The following KCNIP4 variants were observed in gnomAD, a reference collection of about 807,000 sequenced individuals.
KCNIP4 encodes potassium voltage-gated channel interacting protein 4.
Under a neutral mutation model 34.0 loss-of-function variants are expected in KCNIP4, and 12 were observed. That is an observed-to-expected ratio of 0.35 (90% CI 0.23 to 0.57). The LOEUF is 0.57. KCNIP4 is among the 20% of genes least tolerant of loss of function. KCNIP4 has a pLI of 0.83. For missense variants in KCNIP4, 238 were observed against 311.7 expected, an observed-to-expected ratio of 0.76 and a Z score of 1.78; for synonymous variants, 124 against 102.2, an observed-to-expected ratio of 1.21 and a Z score of -1.29.
intron 1 of KCNIP4, among the ~76,000 whole-genome samples, chr4:21,825,023 T>C (rs529455177): frequency 2.4e-4 from 37 of 152,222 alleles, no homozygotes; most frequent in African/African-American, 8.7e-4. Context: ...TAGACCACTT[T>C]CACAAAAAAA....
In KCNIP4 at chr4:21,193,021, G is replaced by A. The variant is rs1006477379; in HGVS notation, c.62-310312C>T. On this transcript the variant is annotated intron_variant, in intron 1 of 8. Coordinates refer to ENST00000382152, the MANE Select transcript of KCNIP4 (RefSeq NM_025221.6). ...CGTTCCAGCTACTCAGGAGGCTGAG[G>A]CAGGAGGACAGCTTGAGACAGGAGG... Among the ~76,000 whole-genome samples, 6 of 151,588 alleles carry A rather than the reference G, an allele frequency of 4.0e-5. No individual in the cohort carries two copies. The South Asian group carries it at 6.2e-4, about 16-fold the overall frequency.
intron 1 of KCNIP4, among the ~76,000 whole-genome samples, chr4:21,022,384 T>TCC (rs1740155238): frequency 1.3e-5 from 2 of 152,360 alleles, no homozygotes; most frequent in East Asian, 3.9e-4. Flanking sequence ...GCATAACCTT[T>TCC]AAGCACAATC....
chr4:21,681,636 G>A (rs1431247110), intron 1 of KCNIP4, among the ~76,000 whole-genome samples: 2 of 152,172 alleles, frequency 1.3e-5, no homozygotes, highest in Non-Finnish European at 2.9e-5. Flanking sequence ...ATTGAAGAGA[G>A]TTAGAGCCTG....
At position 20,995,511 on chromosome 4, in the gene KCNIP4, G is replaced by A. The variant is rs987306629; in HGVS notation, c.62-112802C>T. ...TGGTTAAGACACTTGTTACAAAGCT[G>A]GTAAGTGAAGCTGGAACTCAGTCCT... is the stretch of plus-strand genomic sequence containing the variant. On this transcript the variant is annotated intron_variant, in intron 1 of 8. Transcript: ENST00000382152. 3.3e-5 allele frequency among the ~76,000 whole-genome samples: 5 copies of A among 152,270 alleles called. No homozygotes were observed. The South Asian group carries it at 8.3e-4, about 25-fold the overall frequency.
At chr4:21,480,336 A>G (rs1012863292) in intron 1 of KCNIP4, among the ~76,000 whole-genome samples, 6 of 152,134 alleles carry the variant, frequency 3.9e-5, no homozygotes, top group African/African-American at 1.4e-4. Flanking sequence ...AACAGACAAG[A>G]CTAGTTAGAA....
intron 1 of KCNIP4, among the ~76,000 whole-genome samples, chr4:20,923,096 A>G (rs1006525438): frequency 6.6e-6 from 1 of 152,188 alleles, no homozygotes; most frequent in South Asian, 2.1e-4. Context: ...CACCAAAATC[A>G]GAAAATAGTT....
At chr4:21,885,953 G>A (rs936136851) in intron 1 of KCNIP4, among the ~76,000 whole-genome samples, 7 of 151,962 alleles carry the variant, frequency 4.6e-5, no homozygotes, top group Admixed American at 2.0e-4. Flanking sequence ...CTTCTATTAC[G>A]CCTGCAGTTT....
intron 1 of KCNIP4, among the ~76,000 whole-genome samples, chr4:20,970,592 G>A (rs1046703471): frequency 6.6e-6 from 1 of 152,092 alleles, no homozygotes; most frequent in African/African-American, 2.4e-5. Context: ...TCCCAGAAAG[G>A]TGCTACTGGC....
intron 1 of KCNIP4, among the ~76,000 whole-genome samples, chr4:21,819,380 CTTGA>C (rs978685507): frequency 6.6e-5 from 10 of 152,326 alleles, no homozygotes; most frequent in Admixed American, 4.6e-4. Context: ...CAGTCTTCAC[CTTGA>C]TTTTCACTCC....
chr4:21,408,426 A>G (rs1420782804), intron 1 of KCNIP4, among the ~76,000 whole-genome samples: 1 of 152,186 alleles, frequency 6.6e-6, no homozygotes, highest in East Asian at 1.9e-4. Flanking sequence ...GAGGAGAAAG[A>G]GAAGCCAAGG....
intron 1 of KCNIP4, chr4:21,316,260 T>C (rs1036601901): frequency 6.6e-6 from 1 of 152,232 alleles, no homozygotes; most frequent in African/African-American, 2.4e-5. Context: ...GGGCCATATC[T>C]GATTTATATT....
At chr4:21,056,344 G>C (rs1238163027) in intron 1 of KCNIP4, among the ~76,000 whole-genome samples, 2 of 152,086 alleles carry the variant, frequency 1.3e-5, no homozygotes, top group Admixed American at 1.3e-4. Context: ...TCTCTTGACT[G>C]TTCTACTTCC....
chr4:20,830,858 G>A (rs139910075), intron 3 of KCNIP4, among the ~76,000 whole-genome samples: 178 of 152,204 alleles, frequency 1.2e-3, no homozygotes, highest in African/African-American at 4.2e-3. Context: ...TATATGGTAC[G>A]GACAAGATGC....
chr4:21,472,669 A>G (rs1730570668), intron 1 of KCNIP4, among the ~76,000 whole-genome samples: 1 of 152,098 alleles, frequency 6.6e-6, no homozygotes, highest in South Asian at 2.1e-4. Flanking sequence ...GGAGATACTG[A>G]TTACAATAAG....
chr4:21,234,251 TTA>T (rs1206151825), intron 1 of KCNIP4, among the ~76,000 whole-genome samples: 2 of 118,974 alleles, frequency 1.7e-5, no homozygotes, highest in African/African-American at 3.5e-5. Flanking sequence ...ATAACATATA[TTA>T]TATATAACAT....
At chr4:21,062,916 T>G (rs1037392856) in intron 1 of KCNIP4, among the ~76,000 whole-genome samples, 1 of 152,176 alleles carries the variant, frequency 6.6e-6, no homozygotes, top group African/African-American at 2.4e-5. Context: ...GAATCAAATG[T>G]TAATCTCATC....
intron 1 of KCNIP4, among the ~76,000 whole-genome samples, chr4:21,190,580 T>C (rs1280514762): frequency 6.6e-6 from 1 of 152,014 alleles, no homozygotes; most frequent in Non-Finnish European, 1.5e-5. Flanking sequence ...GATTCAGTGA[T>C]AAACCAGGAA....
intron 1 of KCNIP4, among the ~76,000 whole-genome samples, chr4:21,519,944 C>T (rs556077057): frequency 6.6e-6 from 1 of 150,966 alleles, no homozygotes; most frequent in South Asian, 2.1e-4. Context: ...CAAGGTCCCA[C>T]AATAGGCCAT....
chr4:21,356,218 T>C (rs1056673433), intron 1 of KCNIP4, among the ~76,000 whole-genome samples: 11 of 152,182 alleles, frequency 7.2e-5, no homozygotes, highest in African/African-American at 2.2e-4. Context: ...AATATCATAC[T>C]GAATGGGCAA....
Sources: allele counts gnomAD v4.1 joint callset (sites outside exome capture counted in the v4.1 genomes callset), GRCh38; gene constraint gnomAD v4.1.1; transcripts MANE v1.5; gene names NCBI Gene and HGNC (gene_info 2026-07-23, HGNC 2026-07-21).